Variants in DOK6 observed in about 807,000 individuals in gnomAD.
DOK6 encodes the protein downstream of tyrosine kinase 6.
Under a neutral mutation model 44.0 loss-of-function variants are expected in DOK6, and 22 were observed. The observed-to-expected ratio is 0.50, with a 90% CI of 0.36 to 0.71. The LOEUF (loss-of-function observed/expected upper bound fraction) is 0.71. Among genes scored for constraint, DOK6 ranks in the 30% least tolerant of loss-of-function variants. The pLI is 0.00. For missense variants in DOK6, 340 were observed against 416.4 expected (o/e 0.82, Z 1.60); for synonymous variants, 166 against 145.5 (o/e 1.14, Z -1.01).
At chr18:69,770,576 T>C (rs1275266683) in intron 7 of DOK6, among the ~76,000 whole-genome samples, 1 of 152,108 alleles carries the variant, frequency 6.6e-6, no homozygotes, top group East Asian at 1.9e-4. Flanking sequence ...AGATGACTTG[T>C]ATACAGTTTG....
chr18:69,492,895 A>AT (rs1980777488), intron 1 of DOK6, among the ~76,000 whole-genome samples: 1 of 151,024 alleles, frequency 6.6e-6, no homozygotes, highest in East Asian at 1.9e-4. Context: ...TTTCTTGAGT[A>AT]TTTAGCTTCA....
intron 1 of DOK6, among the ~76,000 whole-genome samples, chr18:69,513,034 T>C (rs1041031985): frequency 2.0e-5 from 3 of 152,208 alleles, no homozygotes; most frequent in Non-Finnish European, 4.4e-5. Context: ...TTTTATTAAA[T>C]ATATGAGGTA....
At chr18:69,672,801 A>G (rs2144681874) in intron 3 of DOK6, among the ~76,000 whole-genome samples, 1 of 152,310 alleles carries the variant, frequency 6.6e-6, no homozygotes, top group South Asian at 2.1e-4. Flanking sequence ...GAATGAAAGC[A>G]TCATCAAAAT....
At chr18:69,445,251 T>G (rs1031413585) in intron 1 of DOK6, among the ~76,000 whole-genome samples, 7 of 152,216 alleles carry the variant, frequency 4.6e-5, no homozygotes, top group African/African-American at 1.7e-4. Flanking sequence ...ATGTATATTA[T>G]TAGGTTTACC....
intron 1 of DOK6, among the ~76,000 whole-genome samples, chr18:69,550,944 C>T (rs781334232): frequency 6.6e-6 from 1 of 151,674 alleles, no homozygotes; most frequent in African/African-American, 2.4e-5. Context: ...CCACCATGCC[C>T]GGCTAATTTT....
intron 3 of DOK6, among the ~76,000 whole-genome samples, chr18:69,625,750 T>G (rs573935718): frequency 2.0e-5 from 3 of 152,366 alleles, no homozygotes; most frequent in Non-Finnish European, 2.9e-5. Flanking sequence ...GGACTCAATA[T>G]TCACATAAAA....
Position 69,841,448 on chromosome 18 carries a change from C to T in DOK6, c.*65C>T. On this transcript the variant is annotated 3_prime_UTR_variant, in exon 8 of 8. Coordinates refer to ENST00000382713, the MANE Select transcript of DOK6 (RefSeq NM_152721.6). ...CTGGACCCGTCTGTGGGGTCATTACCCTCTGCCTCCTGGAAGACCAATTGC... is the reference window on the plus strand; with the variant it reads ...CTGGACCCGTCTGTGGGGTCATTACTCTCTGCCTCCTGGAAGACCAATTGC... The T allele has an allele frequency of 6.3e-7, 1 of 1,590,680 alleles. No individual in the cohort carries two copies. Among genetic ancestry groups the T allele is most frequent in the South Asian group, 1.1e-5 (1 of 89,192 alleles).
intron 7 of DOK6, among the ~76,000 whole-genome samples, chr18:69,760,446 GA>G (rs1568118664): frequency 6.6e-6 from 1 of 151,986 alleles, no homozygotes; most frequent in African/African-American, 2.4e-5. Flanking sequence ...AAAAGCTTTA[GA>G]ACAGCAAGGG....
chr18:69,626,754 TGTC>T (rs1321918490), intron 3 of DOK6, among the ~76,000 whole-genome samples: 3 of 152,224 alleles, frequency 2.0e-5, no homozygotes, highest in Admixed American at 6.5e-5. Flanking sequence ...ATAGTGGCAC[TGTC>T]TTCTTGGATT....
intron 7 of DOK6, among the ~76,000 whole-genome samples, chr18:69,834,409 T>C (rs896893425): frequency 6.6e-6 from 1 of 151,528 alleles, no homozygotes; most frequent in African/African-American, 2.4e-5. Context: ...GTGACGTTGG[T>C]TAATGGAAAC....
intron 7 of DOK6, among the ~76,000 whole-genome samples, chr18:69,790,983 C>A (rs1980579693): frequency 7.2e-6 from 1 of 138,496 alleles, no homozygotes; most frequent in African/African-American, 2.6e-5. Flanking sequence ...TCCATGAGGT[C>A]AATTATTTTA....
intron 5 of DOK6, among the ~76,000 whole-genome samples, chr18:69,717,045 A>G (rs532569679): frequency 6.6e-6 from 1 of 152,332 alleles, no homozygotes; most frequent in South Asian, 2.1e-4. Flanking sequence ...AATATACTAT[A>G]ATTCCTTTAC....
At chr18:69,527,891 G>A (rs540030468) in intron 1 of DOK6, among the ~76,000 whole-genome samples, 14 of 152,154 alleles carry the variant, frequency 9.2e-5, no homozygotes, top group South Asian at 4.2e-4. Context: ...GGCCGGGTGC[G>A]GTGGCTCACA....
intron 3 of DOK6, among the ~76,000 whole-genome samples, chr18:69,652,628 C>CTTTG (rs1985258546): frequency 6.6e-6 from 1 of 152,122 alleles, no homozygotes; most frequent in Non-Finnish European, 1.5e-5. Flanking sequence ...CTTTGGCTGC[C>CTTTG]GCATGTGATG....
chr18:69,440,856 A>G (rs963336935), intron 1 of DOK6, among the ~76,000 whole-genome samples: 2 of 152,130 alleles, frequency 1.3e-5, no homozygotes, highest in Non-Finnish European at 2.9e-5. Flanking sequence ...ATCCTGGGAG[A>G]GAAAAACAAC....
At chr18:69,748,795 C>A (rs998159840) in intron 6 of DOK6, among the ~76,000 whole-genome samples, 1 of 152,106 alleles carries the variant, frequency 6.6e-6, no homozygotes, top group East Asian at 1.9e-4. Flanking sequence ...ACCAGTCATC[C>A]TATTACTGGA....
intron 7 of DOK6, among the ~76,000 whole-genome samples, chr18:69,805,306 T>C (rs1981023019): frequency 6.6e-6 from 1 of 152,154 alleles, no homozygotes; most frequent in Admixed American, 6.6e-5. Context: ...TTTTATTTCA[T>C]AGGTTGTGTC....
chr18:69,760,148 T>C (rs1188927108), intron 7 of DOK6, among the ~76,000 whole-genome samples: 1 of 152,216 alleles, frequency 6.6e-6, no homozygotes, highest in African/African-American at 2.4e-5. Context: ...TTATTCTTCC[T>C]TCGTTCGGTT....
intron 1 of DOK6, among the ~76,000 whole-genome samples, chr18:69,426,928 T>C (rs1409133963): frequency 2.0e-5 from 3 of 152,162 alleles, no homozygotes; most frequent in Non-Finnish European, 4.4e-5. Flanking sequence ...GTTTTACAGC[T>C]GATTTCCTCA....
Sources: gnomAD v4.1 joint callset for allele counts (sites outside exome capture counted in the v4.1 genomes callset) on GRCh38, gnomAD v4.1.1 for gene constraint, MANE v1.5 for transcripts, NCBI Gene and HGNC (gene_info 2026-07-23, HGNC 2026-07-21) for gene names.